CEACAM5: variants seen among roughly 807,000 people sequenced by gnomAD.
CEACAM5 encodes the protein cell adhesion molecule CEACAM5.
CEACAM5 carries 52 observed loss-of-function variants against 63.0 expected under a neutral mutation model. The ratio of observed to expected loss-of-function variants is 0.83; its 90% CI spans 0.66 to 1.04. The LOEUF (loss-of-function observed/expected upper bound fraction) is 1.04. Among genes scored for constraint, CEACAM5 ranks in the 50% least tolerant of loss-of-function variants. CEACAM5 has a pLI of 0.00. For synonymous variants in CEACAM5, 357 were observed against 351.3 expected (o/e 1.02, Z -0.18); for missense variants, 790 against 864.8 (o/e 0.91, Z 1.08).
At chr19:41,712,149 G>T (rs1262049090) in intron 2 of CEACAM5, among the ~76,000 whole-genome samples, 2 of 152,222 alleles carry the variant, frequency 1.3e-5, no homozygotes, top group Non-Finnish European at 2.9e-5. Flanking sequence ...AAGCCCGCAT[G>T]CTTATTTCAC....
rs781877793 is a variant in CEACAM5 at position 41,720,916 on chromosome 19, T to C, written c.1772-6T>C. The C allele has an allele frequency of 6.2e-7, 1 of 1,614,044 alleles. No individual in the cohort carries two copies. The highest frequency in any genetic ancestry group is 1.1e-5 in the South Asian group (1 of 91,072). On this transcript the variant is annotated splice_region_variant and splice_polypyrimidine_tract_variant and intron_variant, in intron 7 of 9. Transcript: ENST00000221992. ...ATCACCTGTGGCTTTGTTCTCTTTGTTCCAGATGGGCCGGACACCCCCATC... is the reference window on the plus strand; with the variant it reads ...ATCACCTGTGGCTTTGTTCTCTTTGCTCCAGATGGGCCGGACACCCCCATC...
At chr19:41,714,566 A>C (rs2072488154) in intron 2 of CEACAM5, among the ~76,000 whole-genome samples, 1 of 152,200 alleles carries the variant, frequency 6.6e-6, no homozygotes. Flanking sequence ...CCACAGAAAA[A>C]ATATACCTAG....
Position 41,720,114 on chromosome 19 carries a change from C to T in CEACAM5, c.1677C>T (p.Phe559=), listed in dbSNP as rs781885780. Residue 559 remains phenylalanine (F), a synonymous_variant, in exon 7 of 10, where the codon TTC becomes TTT. Transcript: ENST00000221992. ...LSNGNRTLTL[F]NVTRNDARAY... ...ATGGCAACAGGACCCTCACTCTATT[C>T]AATGTCACAAGAAATGACGCAAGAG... is the stretch of plus-strand genomic sequence containing the variant. The T allele has an allele frequency of 2.5e-6, 4 of 1,614,220 alleles. No individual in the cohort carries two copies. In the East Asian group the frequency reaches 8.9e-5, roughly 36 times the overall value.
chr19:41,708,826 G>A lies in CEACAM5; in HGVS notation c.64+31G>A, dbSNP rs200207181. The A allele has an allele frequency of 1.9e-3, 2,209 of 1,141,298 alleles. 21 individuals carry two copies. The African/African-American group carries it at 0.044, about 23-fold the overall frequency. The allele number at this position is 1,141,298 out of a possible 1,614,324, so 70.7% of individuals were successfully genotyped here. On this transcript the variant is annotated intron_variant, in intron 1 of 9. Transcript: ENST00000221992. The stretch of plus-strand genomic sequence containing the variant: ...GGGAGGACAACCTGGGAGAGGGTGG[G>A]AGGAGGGAGCTGGGGTCTCCTGGGT...
rs782039954 is a variant in CEACAM5, at chr19:41,715,178, C to G, written c.632C>G (p.Ala211Gly). Residue 211 changes from alanine to glycine, a missense_variant, in exon 3 of 10, where the codon GCA becomes GGA. By Grantham distance (60) the Ala-to-Gly change is moderately conservative. Coordinates refer to ENST00000221992, the MANE Select transcript of CEACAM5 (RefSeq NM_004363.6). The part of the protein sequence containing the change: ...TLFNVTRNDT[A>G]SYKCETQNPV... ...TTCAATGTCACAAGAAATGACACAG[C>G]AAGCTACAAATGTGAAACCCAGAAC... The G allele has an allele frequency of 4.3e-6, 7 of 1,614,240 alleles. No homozygotes were observed. The Middle Eastern group carries it at 9.9e-4, about 228-fold the overall frequency.
At chr19:41,716,725 G>A (rs782152549) in intron 4 of CEACAM5, among the ~76,000 whole-genome samples, 3 of 152,174 alleles carry the variant, frequency 2.0e-5, no homozygotes, top group Non-Finnish European at 2.9e-5. Context: ...GTCAAAAATC[G>A]TGTGTTTATA....
chr19:41,722,071 A>G (rs1044852074), intron 8 of CEACAM5, among the ~76,000 whole-genome samples: 10 of 152,158 alleles, frequency 6.6e-5, no homozygotes, highest in African/African-American at 1.7e-4. Flanking sequence ...AACCATTTCT[A>G]AGTGTACAAT....
In CEACAM5 at chr19:41,710,034, T is replaced by C; in HGVS notation, c.419T>C (p.Val140Ala). The change falls in exon 2 of 10, where the codon GTA becomes GCA. Residue 140 changes from valine to alanine, a missense_variant. By Grantham distance (64) the Val-to-Ala change is moderately conservative. Coordinates refer to ENST00000221992, the MANE Select transcript of CEACAM5 (RefSeq NM_004363.6). The stretch of plus-strand genomic sequence containing the variant: ...GAAGAAGCAACTGGCCAGTTCCGGG[T>C]ATACCGTGAGTGATTCCCCCATGAC... ...VNEEATGQFR[V>A]YPELPKPSIS... 6.3e-7 allele frequency: 1 copy of C among 1,597,604 alleles called. No homozygotes were observed. The highest frequency in any genetic ancestry group is 1.3e-5 in the African/African-American group (1 of 74,766).
chr19:41,710,021 G>A lies in CEACAM5; in HGVS notation c.406G>A (p.Gly136Ser). 6.2e-7 allele frequency: 1 copy of A among 1,604,920 alleles called. No homozygotes were observed. Among genetic ancestry groups the A allele is most frequent in the Non-Finnish European group, 8.5e-7 (1 of 1,174,958 alleles). ...KSDLVNEEAT[G>S]QFRVYPELPK... Reference sequence around the variant, plus strand: ...AGATCTTGTGAATGAAGAAGCAACTGGCCAGTTCCGGGTATACCGTGAGTG... The same window carrying A: ...AGATCTTGTGAATGAAGAAGCAACTAGCCAGTTCCGGGTATACCGTGAGTG... The change falls in exon 2 of 10, where the codon GGC becomes AGC. Residue 136 changes from glycine (G) to serine (S), a missense_variant. Coordinates refer to ENST00000221992, the MANE Select transcript of CEACAM5 (RefSeq NM_004363.6).
intron 8 of CEACAM5, among the ~76,000 whole-genome samples, chr19:41,726,630 G>A (rs1185021101): frequency 6.6e-6 from 1 of 152,176 alleles, no homozygotes; most frequent in East Asian, 1.9e-4. Flanking sequence ...CTCAGACCAC[G>A]ATGCAGATCT....
At chr19:41,723,165 G>T (rs1435011807) in intron 8 of CEACAM5, among the ~76,000 whole-genome samples, 2 of 151,986 alleles carry the variant, frequency 1.3e-5, no homozygotes, top group Admixed American at 1.3e-4. Flanking sequence ...GCCTGCCTTG[G>T]CCTCCCAAAG....
chr19:41,722,564 G>A (rs558779998), intron 8 of CEACAM5, among the ~76,000 whole-genome samples: 4 of 152,026 alleles, frequency 2.6e-5, no homozygotes, highest in African/African-American at 9.6e-5. Flanking sequence ...CTATTCTAAC[G>A]ATCTTACAAA....
chr19:41,710,903 C>T (rs1252830804), intron 2 of CEACAM5, among the ~76,000 whole-genome samples: 1 of 152,208 alleles, frequency 6.6e-6, no homozygotes, highest in Non-Finnish European at 1.5e-5. Context: ...AACAACCTCA[C>T]AGCCAAATAG....
At chr19:41,719,695 GCT>G (rs2072586059) in intron 6 of CEACAM5, among the ~76,000 whole-genome samples, 1 of 152,184 alleles carries the variant, frequency 6.6e-6, no homozygotes, top group Admixed American at 6.5e-5. Context: ...ACAACCCAAC[GCT>G]GCTGCCCAAT....
At chr19:41,715,932 C>CATGTTT (rs2072519992) in intron 4 of CEACAM5, 28 bp downstream of exon 4, 2 of 1,604,598 alleles carry the variant, frequency 1.2e-6, no homozygotes, top group Non-Finnish European at 1.7e-6. Flanking sequence ...GCACTGACAT[C>CATGTTT]ATGTTTTGAG....
At chr19:41,719,902 G>C (rs1555815782) in intron 6 of CEACAM5, 28 bp from the exon 7 acceptor site, 1 of 1,613,444 alleles carries the variant, frequency 6.2e-7, no homozygotes, top group Non-Finnish European at 8.5e-7. Flanking sequence ...TGCCACACAG[G>C]GCAATCTTCT....
intron 8 of CEACAM5, among the ~76,000 whole-genome samples, chr19:41,722,685 G>T (rs2072641386): frequency 2.0e-5 from 3 of 152,234 alleles, no homozygotes; most frequent in Admixed American, 2.0e-4. Flanking sequence ...CCTTGTTAAG[G>T]TTGAAGAACA....
chr19:41,711,290 G>A (rs2072431886), intron 2 of CEACAM5, among the ~76,000 whole-genome samples: 2 of 152,154 alleles, frequency 1.3e-5, no homozygotes, highest in African/African-American at 4.8e-5. Flanking sequence ...CAAATCCTGT[G>A]TTTCCCGATG....
rs1049705152 is a variant in CEACAM5, at chr19:41,721,103, G to A, written c.1953G>A (p.Gly651=). The A allele has an allele frequency of 1.2e-6, 2 of 1,614,190 alleles. No homozygotes were observed. The highest frequency in any genetic ancestry group is 1.6e-4 in the Middle Eastern group (1 of 6,062). Reference sequence around the variant, plus strand: ...CCAAAATCACGCCAAATAATAACGGGACCTATGCCTGTTTTGTCTCTAACT... The same window carrying A: ...CCAAAATCACGCCAAATAATAACGGAACCTATGCCTGTTTTGTCTCTAACT... The part of the protein sequence containing the change: ...FIAKITPNNN[G]TYACFVSNLA... Residue 651 remains glycine, a synonymous_variant, in exon 8 of 10, where the codon GGG becomes GGA. Transcript: ENST00000221992.
Sources: gnomAD v4.1 joint callset for allele counts (sites outside exome capture counted in the v4.1 genomes callset) on GRCh38, gnomAD v4.1.1 for gene constraint, MANE v1.5 for transcripts, NCBI Gene and HGNC (gene_info 2026-07-23, HGNC 2026-07-21) for gene names.